The following SMG7 variants were observed in gnomAD, a reference collection of about 807,000 sequenced individuals.
SMG7 encodes nonsense-mediated mRNA decay factor SMG7.
Under a neutral mutation model 148.2 loss-of-function variants are expected in SMG7, and 34 were observed. The ratio of observed to expected loss-of-function variants is 0.23; its 90% CI spans 0.17 to 0.31. SMG7 has a LOEUF of 0.31. SMG7 is among the 10% of genes least tolerant of loss of function. The pLI is 1.00. For missense variants in SMG7, 1,114 were observed against 1,408.4 expected (o/e 0.79, Z 3.35); for synonymous variants, 492 against 515.1 (o/e 0.96, Z 0.61).
At chr1:183,531,216 G>C (rs937940830) in intron 8 of SMG7, among the ~76,000 whole-genome samples, 8 of 152,060 alleles carry the variant, frequency 5.3e-5, no homozygotes, top group Admixed American at 2.0e-4. Context: ...GTATACTTCA[G>C]TGTTTCTAAC....
chr1:183,543,742 T>C (rs1669384811), intron 14 of SMG7, among the ~76,000 whole-genome samples: 1 of 152,228 alleles, frequency 6.6e-6, no homozygotes. Context: ...TCCCTCATTT[T>C]GCTCAACTTT....
chr1:183,549,199 A>C lies in SMG7; in HGVS notation c.2893-9A>C, dbSNP rs1670514811. 1 of 1,602,460 alleles carries C rather than the reference A, an allele frequency of 6.2e-7. No individual in the cohort carries two copies. The highest frequency in any genetic ancestry group is 1.7e-5 in the Admixed American group (1 of 59,302). On this transcript the variant is annotated splice_polypyrimidine_tract_variant and intron_variant, in intron 18 of 22. Coordinates refer to ENST00000688051, the MANE Select transcript of SMG7 (RefSeq NM_001375584.1). ...TAACTTAATTACCTTTTTTTCTGGGACTGTGAAGAAATCCTTATTGGAGAA... is the reference window on the plus strand; with the variant it reads ...TAACTTAATTACCTTTTTTTCTGGGCCTGTGAAGAAATCCTTATTGGAGAA...
intron 1 of SMG7, among the ~76,000 whole-genome samples, chr1:183,476,269 C>T (rs1266592328): frequency 1.3e-5 from 2 of 152,144 alleles, no homozygotes; most frequent in South Asian, 2.1e-4. Flanking sequence ...CAATTGTTTT[C>T]GTGACCTTGA....
chr1:183,541,425 G>A (rs1273049779), intron 13 of SMG7, among the ~76,000 whole-genome samples: 1 of 152,176 alleles, frequency 6.6e-6, no homozygotes, highest in Non-Finnish European at 1.5e-5. Context: ...CACAGTCATG[G>A]TAATTTGTAT....
intron 1 of SMG7, among the ~76,000 whole-genome samples, chr1:183,493,177 A>G (rs75942775): frequency 0.014 from 2,143 of 152,006 alleles, 54 homozygotes; most frequent in African/African-American, 0.048. Flanking sequence ...GTCTTATTGT[A>G]TTGCCCAGGT....
rs548277246 is a variant in SMG7 at position 183,537,894 on chromosome 1, C to CT, written c.1235-477dup. Among the ~76,000 whole-genome samples, 841 of 151,742 alleles carry CT rather than the reference C, an allele frequency of 5.5e-3. 12 individuals carry two copies. Among genetic ancestry groups the CT allele is most frequent in the Middle Eastern group, 6.8e-3 (2 of 294 alleles). Reference sequence around the variant, plus strand: ...AACCTCTGGCTTGGCTTCTTTCTGACTTTTTTTTTCCTCTTAAATCCATGC... The same window carrying CT: ...AACCTCTGGCTTGGCTTCTTTCTGACTTTTTTTTTTCCTCTTAAATCCATGC... On this transcript the variant is annotated intron_variant, in intron 11 of 22. Coordinates refer to ENST00000688051, the MANE Select transcript of SMG7 (RefSeq NM_001375584.1).
intron 1 of SMG7, among the ~76,000 whole-genome samples, chr1:183,508,580 T>C (rs1661470022): frequency 6.6e-6 from 1 of 152,242 alleles, no homozygotes; most frequent in African/African-American, 2.4e-5. Context: ...TATCCATTGA[T>C]TTGATTTCTC....
rs3832026 is a variant in SMG7 at position 183,553,608 on chromosome 1, G to GCCCCCCCCCCCC, written c.*1685_*1686insCCCCCCCCCCCC. 3.2e-4 allele frequency: 41 copies of GCCCCCCCCCCCC among 128,258 alleles called. No homozygotes were observed. Among genetic ancestry groups the GCCCCCCCCCCCC allele is most frequent in the Non-Finnish European group, 5.1e-4 (30 of 59,278 alleles). The allele number at this position is 128,258 out of a possible 1,614,324, so 7.9% of individuals were successfully genotyped here. A position where few individuals can be genotyped will look rare whatever the true frequency, so the allele number is the denominator to read the frequency against. ...TTGCTCTTCAGAGAGAGTGGTTGGA[G>GCCCCCCCCCCCC]CCCCCCCCGCCCCGTATGCTTACAT... On this transcript the variant is annotated 3_prime_UTR_variant, in exon 23 of 23. Coordinates refer to ENST00000688051, the MANE Select transcript of SMG7 (RefSeq NM_001375584.1).
Position 183,542,097 on chromosome 1 carries a change from G to A in SMG7, c.1437G>A (p.Glu479=). 1 of 1,611,952 alleles carries A rather than the reference G, an allele frequency of 6.2e-7. No individual in the cohort carries two copies. The highest frequency in any genetic ancestry group is 8.5e-7 in the Non-Finnish European group (1 of 1,178,588). ...NQPRLIQCEN[E]VGKLLFITEI... ...TTAGGCTGATTCAGTGTGAAAATGA[G>A]GTAGGGAAATTGTTGTTTATCACAG... Residue 479 remains glutamate (E), a synonymous_variant, in exon 14 of 23, where the codon GAG becomes GAA. Transcript: ENST00000688051.
At chr1:183,497,718 C>T (rs1327657865) in intron 1 of SMG7, among the ~76,000 whole-genome samples, 7 of 151,922 alleles carry the variant, frequency 4.6e-5, no homozygotes, top group African/African-American at 1.5e-4. Context: ...TATAGGCGCC[C>T]GCCACCGTGC....
intron 1 of SMG7, among the ~76,000 whole-genome samples, chr1:183,477,485 C>T (rs4652803): frequency 0.8 from 100,123 of 125,428 alleles, 44,910 homozygotes; most frequent in African/African-American, 0.88. Flanking sequence ...CATATATACA[C>T]GTGTGTGCAT....
rs544765619 is a variant in SMG7, at chr1:183,539,172, G to A, written c.1295+732G>A. On this transcript the variant is annotated intron_variant, in intron 12 of 22. Coordinates refer to ENST00000688051, the MANE Select transcript of SMG7 (RefSeq NM_001375584.1). ...GTCTCAAAAAAAAAAGAGTAGCGTG[G>A]GCCAACCTGACTGACTCCACTTCAA... Among the ~76,000 whole-genome samples the A allele has an allele frequency of 1.1e-4, 17 of 151,976 alleles. 1 individual carries two copies. The South Asian group carries it at 3.5e-3, about 32-fold the overall frequency.
intron 1 of SMG7, among the ~76,000 whole-genome samples, chr1:183,476,322 C>G (rs1652183429): frequency 6.6e-6 from 1 of 152,182 alleles, no homozygotes; most frequent in Non-Finnish European, 1.5e-5. Context: ...GGTGGAAGAT[C>G]ATGACTGGGC....
intron 1 of SMG7, among the ~76,000 whole-genome samples, chr1:183,506,875 CTTTT>C (rs71130622): frequency 1.8e-5 from 2 of 111,824 alleles, no homozygotes; most frequent in East Asian, 2.6e-4. Flanking sequence ...ACTATATATT[CTTTT>C]TTTTTTTTTT....
At chr1:183,502,306 A>G (rs1195323130) in intron 1 of SMG7, 1 of 1,534,642 alleles carries the variant, frequency 6.5e-7, no homozygotes, top group Non-Finnish European at 8.7e-7. Context: ...GCAGATAGTC[A>G]TTGTGGGAGA....
At position 183,528,745 on chromosome 1, in the gene SMG7, C is replaced by T; in HGVS notation, c.557-147C>T. 3 of 667,304 alleles carry T rather than the reference C, an allele frequency of 4.5e-6. No homozygotes were observed. The South Asian group carries it at 5.9e-5, about 13-fold the overall frequency. 41.3% of individuals were successfully genotyped at this position (667,304 alleles called of 1,614,324 possible). ...CTGTCGCTGAAGTGTGCTGTTGGAC[C>T]TTACGCTGGTTTGCAATGAGGCAGT... On this transcript the variant is annotated intron_variant, in intron 6 of 22. Transcript: ENST00000688051.
Position 183,495,079 on chromosome 1 carries a change from G to A in SMG7, c.30-17758G>A, listed in dbSNP as rs192120071. Among the ~76,000 whole-genome samples the A allele has an allele frequency of 4.8e-3, 722 of 151,924 alleles. 1 individual carries two copies. Among genetic ancestry groups the A allele is most frequent in the Non-Finnish European group, 7.5e-3 (511 of 67,958 alleles). On this transcript the variant is annotated intron_variant, in intron 1 of 22. Transcript: ENST00000688051. ...CCTGACCTCATGATCCATCCACCTC[G>A]GCCTCTCAAAGTGCTGGGATTACAG...
chr1:183,536,001 A>G (rs1453642260), intron 10 of SMG7, among the ~76,000 whole-genome samples: 1 of 152,110 alleles, frequency 6.6e-6, no homozygotes, highest in Non-Finnish European at 1.5e-5. Context: ...AAAGTAGCAT[A>G]TTCCCATATT....
At position 183,526,815 on chromosome 1, in the gene SMG7, T is replaced by C. The variant is rs543955432; in HGVS notation, c.484+48T>C. On this transcript the variant is annotated intron_variant, in intron 5 of 22. Transcript: ENST00000688051. ...TTGATAATATGTTCCTCCTTTTCTT[T>C]GGAATAGTCATAGAAAGAAACTGTT... is the stretch of plus-strand genomic sequence containing the variant. The C allele has an allele frequency of 2.9e-5, 44 of 1,503,580 alleles. 1 individual carries two copies. In the South Asian group the frequency reaches 5.3e-4, roughly 18 times the overall value. 93.1% of individuals were successfully genotyped at this position (1,503,580 alleles called of 1,614,324 possible). A position where few individuals can be genotyped will look rare whatever the true frequency, so the allele number is the denominator to read the frequency against.
Sources: allele counts gnomAD v4.1 joint callset (sites outside exome capture counted in the v4.1 genomes callset), GRCh38; gene constraint gnomAD v4.1.1; transcripts MANE v1.5; gene names NCBI Gene and HGNC (gene_info 2026-07-23, HGNC 2026-07-21).